The following TRPS1 variants were observed in gnomAD, a reference collection of about 807,000 sequenced individuals.
TRPS1 encodes zinc finger transcription factor Trps1.
TRPS1 carries 6 observed loss-of-function variants against 101.2 expected under a neutral mutation model. The ratio of observed to expected loss-of-function variants is 0.06; its 90% CI spans 0.03 to 0.12. The LOEUF (loss-of-function observed/expected upper bound fraction) is 0.12, where lower values mean the gene tolerates loss of function less well. TRPS1 is among the 10% of genes least tolerant of loss of function. The probability of loss-of-function intolerance (pLI) is 1.00; values close to 1 mark genes in which losing one functional copy is unlikely to be tolerated. For synonymous variants in TRPS1, 578 were observed against 589.8 expected (o/e 0.98, Z 0.29); for missense variants, 1,363 against 1,567.0 (o/e 0.87, Z 2.20).
At position 115,418,505 on chromosome 8, in the gene TRPS1, G is replaced by C; in HGVS notation, c.2701-53C>G. The C allele has an allele frequency of 6.2e-7, 1 of 1,613,530 alleles. No homozygotes were observed. On this transcript the variant is annotated intron_variant, in intron 5 of 6. Transcript: ENST00000395715. The surrounding 1 kb of genome is among the most constrained non-coding windows in gnomAD (Gnocchi z 4.3). ...AGAGGTGAGTCACATGATCAGTGGA[G>C]TTAGACCAAATCAACCCAGGAGTTT...
intron 5 of TRPS1, among the ~76,000 whole-genome samples, chr8:115,451,155 A>T (rs1482630257): frequency 6.6e-6 from 1 of 152,192 alleles, no homozygotes; most frequent in Non-Finnish European, 1.5e-5. Context: ...GTTGATTGCT[A>T]TATTAGATGT....
intron 1 of TRPS1, among the ~76,000 whole-genome samples, chr8:115,638,237 G>A (rs969435966): frequency 3.9e-5 from 6 of 152,196 alleles, no homozygotes; most frequent in South Asian, 4.2e-4. Flanking sequence ...AAAACTCCCC[G>A]GTAATCACTC....
intron 5 of TRPS1, among the ~76,000 whole-genome samples, chr8:115,557,876 T>A (rs1306333149): frequency 3.9e-5 from 6 of 152,140 alleles, no homozygotes; most frequent in Non-Finnish European, 2.9e-5. Context: ...CTGTCTTCCA[T>A]CTCAGAGTTA....
At chr8:115,561,856 C>T (rs554449785) in intron 5 of TRPS1, among the ~76,000 whole-genome samples, 4 of 152,016 alleles carry the variant, frequency 2.6e-5, no homozygotes, top group African/African-American at 9.6e-5. Context: ...AACACAATTG[C>T]TAGTAAAAAC....
At chr8:115,415,860 C>G (rs1812906953) in intron 6 of TRPS1, among the ~76,000 whole-genome samples, 1 of 152,162 alleles carries the variant, frequency 6.6e-6, no homozygotes, top group South Asian at 2.1e-4. Context: ...ACCTAAGCAA[C>G]AAATACATGC....
intron 5 of TRPS1, among the ~76,000 whole-genome samples, chr8:115,533,231 T>C (rs1816177998): frequency 6.6e-6 from 1 of 152,094 alleles, no homozygotes. Flanking sequence ...GCTAGGTTGT[T>C]CACCACACTC....
At chr8:115,443,186 C>A (rs1813651494) in intron 5 of TRPS1, among the ~76,000 whole-genome samples, 1 of 152,134 alleles carries the variant, frequency 6.6e-6, no homozygotes, top group African/African-American at 2.4e-5. Flanking sequence ...AGGACAATCG[C>A]TTGAACCCAG....
chr8:115,577,339 C>A (rs1334988728), intron 5 of TRPS1, among the ~76,000 whole-genome samples: 1 of 152,042 alleles, frequency 6.6e-6, no homozygotes, highest in Non-Finnish European at 1.5e-5. Context: ...CATCATACAT[C>A]TTTTTATAAA....
intron 5 of TRPS1, among the ~76,000 whole-genome samples, chr8:115,460,847 T>C (rs1485629338): frequency 6.6e-6 from 1 of 152,198 alleles, no homozygotes; most frequent in Non-Finnish European, 1.5e-5. Context: ...TATATTCTAA[T>C]CTTTGGGCAT....
At chr8:115,549,072 C>T (rs142450592) in intron 5 of TRPS1, among the ~76,000 whole-genome samples, 87 of 152,314 alleles carry the variant, frequency 5.7e-4, no homozygotes, top group African/African-American at 2.1e-3. Context: ...AGATGAGAGA[C>T]ATTCTGGGCA....
chr8:115,533,950 A>C (rs1816214810), intron 5 of TRPS1, among the ~76,000 whole-genome samples: 2 of 152,104 alleles, frequency 1.3e-5, no homozygotes. Flanking sequence ...CTTAAACCCT[A>C]ATTACATCTT....
In TRPS1 at chr8:115,447,281, C is replaced by T. The variant is rs189251015; in HGVS notation, c.2701-28829G>A. On this transcript the variant is annotated intron_variant, in intron 5 of 6. Coordinates refer to ENST00000395715, the MANE Select transcript of TRPS1 (RefSeq NM_014112.5). ...CATGTGATTGAAACAAGAGACAAAG[C>T]GGAGTTGCTCAAATTTGCTACTGAA... Among the ~76,000 whole-genome samples, 248 of 152,186 alleles carry T rather than the reference C, an allele frequency of 1.6e-3. 2 individuals carry two copies. Among genetic ancestry groups the T allele is most frequent in the Middle Eastern group, 0.014 (4 of 294 alleles).
At chr8:115,469,116 G>C (rs1452493694) in intron 5 of TRPS1, among the ~76,000 whole-genome samples, 1 of 152,160 alleles carries the variant, frequency 6.6e-6, no homozygotes, top group Non-Finnish European at 1.5e-5. Context: ...ATTCCAGTCT[G>C]GGTGACAGAG....
At chr8:115,516,012 T>C (rs1310252738) in intron 5 of TRPS1, among the ~76,000 whole-genome samples, 1 of 151,402 alleles carries the variant, frequency 6.6e-6, no homozygotes, top group Non-Finnish European at 1.5e-5. Flanking sequence ...AAATCTATAA[T>C]TAAACTGAGC....
intron 5 of TRPS1, among the ~76,000 whole-genome samples, chr8:115,478,885 A>G (rs1008919190): frequency 5.5e-5 from 8 of 146,630 alleles, no homozygotes; most frequent in African/African-American, 2.0e-4. Flanking sequence ...ATGTGTATAT[A>G]TGTATGTGTA....
intron 5 of TRPS1, among the ~76,000 whole-genome samples, chr8:115,464,317 T>A (rs1814265244): frequency 6.6e-6 from 1 of 152,200 alleles, no homozygotes; most frequent in Non-Finnish European, 1.5e-5. Context: ...TTTTATACAA[T>A]GGTAGGCCAT....
At chr8:115,623,847 G>T in intron 1 of TRPS1, 89 bp from the exon 2 acceptor site, 1 of 1,217,604 alleles carries the variant, frequency 8.2e-7, no homozygotes, top group Non-Finnish European at 1.1e-6. Flanking sequence ...TAATATGCTG[G>T]CATCATAGGC....
At chr8:115,435,797 T>C (rs1019711650) in intron 5 of TRPS1, among the ~76,000 whole-genome samples, 5 of 152,162 alleles carry the variant, frequency 3.3e-5, no homozygotes, top group Non-Finnish European at 7.3e-5. Context: ...TTCTGGTATG[T>C]TTATTTATAA....
chr8:115,521,993 C>T (rs980189797), intron 5 of TRPS1, among the ~76,000 whole-genome samples: 3 of 151,918 alleles, frequency 2.0e-5, no homozygotes, highest in East Asian at 1.9e-4. Flanking sequence ...ACAACAATGT[C>T]GAGCACTGAG....
Sources: gnomAD v4.1 joint callset for allele counts (sites outside exome capture counted in the v4.1 genomes callset) on GRCh38, gnomAD v4.1.1 for gene constraint, Gnocchi (gnomAD v3.1) non-coding constraint, MANE v1.5 for transcripts, NCBI Gene and HGNC (gene_info 2026-07-23, HGNC 2026-07-21) for gene names.